MACROD2: variants seen among roughly 807,000 people sequenced by gnomAD.
MACROD2 encodes the protein ADP-ribose glycohydrolase MACROD2.
MACROD2 carries 36 observed loss-of-function variants against 70.4 expected under a neutral mutation model. The observed-to-expected ratio is 0.51, with a 90% CI of 0.39 to 0.68. The LOEUF (loss-of-function observed/expected upper bound fraction) is 0.68, where lower values mean the gene tolerates loss of function less well. Among genes scored for constraint, MACROD2 ranks in the 30% least tolerant of loss-of-function variants. MACROD2 has a pLI of 0.00. For missense variants in MACROD2, 496 were observed against 538.4 expected (o/e 0.92, Z 0.78); for synonymous variants, 172 against 178.8 (o/e 0.96, Z 0.30).
chr20:14,589,599 A>G (rs765322043), intron 4 of MACROD2, among the ~76,000 whole-genome samples: 3 of 152,142 alleles, frequency 2.0e-5, no homozygotes, highest in Non-Finnish European at 4.4e-5. Flanking sequence ...CTATGTTTTA[A>G]TAACATAATT....
chr20:14,916,251 C>G (rs761680518), intron 5 of MACROD2, among the ~76,000 whole-genome samples: 9 of 152,102 alleles, frequency 5.9e-5, no homozygotes, highest in Non-Finnish European at 1.2e-4. Flanking sequence ...CTGAACTGAG[C>G]CATTAGAACT....
chr20:15,158,471 CT>C (rs1473789120), intron 5 of MACROD2, among the ~76,000 whole-genome samples: 1 of 152,088 alleles, frequency 6.6e-6, no homozygotes, highest in Non-Finnish European at 1.5e-5. Flanking sequence ...AAACTCTGTT[CT>C]TTTCACACAC....
At chr20:15,710,767 T>C (rs2050614678) in intron 8 of MACROD2, among the ~76,000 whole-genome samples, 1 of 152,232 alleles carries the variant, frequency 6.6e-6, no homozygotes, top group East Asian at 1.9e-4. Context: ...CTGTCACTGC[T>C]GTTTTTGGCG....
chr20:15,933,374 C>G (rs2065609276), intron 11 of MACROD2, 36 bp downstream of exon 11: 1 of 1,585,274 alleles, frequency 6.3e-7, no homozygotes, highest in Non-Finnish European at 8.7e-7. Flanking sequence ...TCACCTAGGC[C>G]TCATCTGCAG....
chr20:14,661,191 C>A (rs1051757019), intron 4 of MACROD2, among the ~76,000 whole-genome samples: 1 of 152,114 alleles, frequency 6.6e-6, no homozygotes, highest in Non-Finnish European at 1.5e-5. Context: ...GTTCTGTTTT[C>A]TCTGCAATCT....
chr20:15,344,764 T>C (rs2078146532), intron 6 of MACROD2, among the ~76,000 whole-genome samples: 2 of 152,196 alleles, frequency 1.3e-5, no homozygotes, highest in Admixed American at 1.3e-4. Context: ...AATTAGTGAC[T>C]AGAAGATAAG....
intron 5 of MACROD2, among the ~76,000 whole-genome samples, chr20:15,134,566 CAG>C (rs1281206473): frequency 6.6e-6 from 1 of 152,050 alleles, no homozygotes; most frequent in East Asian, 1.9e-4. Context: ...ACATTCAAAG[CAG>C]TGTGTAGAGG....
At chr20:14,834,254 GT>G (rs201456532) in intron 5 of MACROD2, among the ~76,000 whole-genome samples, 66 of 145,248 alleles carry the variant, frequency 4.5e-4, no homozygotes, top group Non-Finnish European at 4.6e-4. Context: ...CGCTAGTATG[GT>G]TTTTTTTTTT....
At chr20:14,121,358 G>C (rs2054586754) in intron 3 of MACROD2, among the ~76,000 whole-genome samples, 1 of 152,154 alleles carries the variant, frequency 6.6e-6, no homozygotes, top group African/African-American at 2.4e-5. Context: ...AGAACCATGC[G>C]TAGGACCCTA....
chr20:14,248,182 C>A (rs1036810904), intron 3 of MACROD2, among the ~76,000 whole-genome samples: 2 of 152,164 alleles, frequency 1.3e-5, no homozygotes, highest in African/African-American at 2.4e-5. Flanking sequence ...CAGGAATAAG[C>A]TCATGCCAAG....
chr20:15,101,671 A>G (rs879433818), intron 5 of MACROD2, among the ~76,000 whole-genome samples: 8 of 151,906 alleles, frequency 5.3e-5, no homozygotes, highest in Admixed American at 5.3e-4. Context: ...ATTTTTAAGC[A>G]TGAGGCTATT....
intron 3 of MACROD2, among the ~76,000 whole-genome samples, chr20:14,213,319 T>C (rs2081585429): frequency 8.3e-6 from 1 of 121,086 alleles, no homozygotes; most frequent in Non-Finnish European, 1.6e-5. Flanking sequence ...ACTATAGAAT[T>C]GCTAGAGATG....
chr20:14,105,697 C>T (rs1396301066), intron 3 of MACROD2, among the ~76,000 whole-genome samples: 1 of 152,192 alleles, frequency 6.6e-6, no homozygotes, highest in Non-Finnish European at 1.5e-5. Flanking sequence ...CACCATCCCT[C>T]TTCCAACCCC....
chr20:14,699,118 G>A (rs1031624347), intron 5 of MACROD2, among the ~76,000 whole-genome samples: 2 of 152,124 alleles, frequency 1.3e-5, no homozygotes, highest in Non-Finnish European at 2.9e-5. Flanking sequence ...AGGGACCTGA[G>A]AGCCATGTTC....
chr20:14,934,471 C>G (rs73092188), intron 5 of MACROD2, among the ~76,000 whole-genome samples: 25,457 of 152,068 alleles, frequency 0.17, 2,440 homozygotes, highest in Non-Finnish European at 0.21. Flanking sequence ...AACAACACAT[C>G]TAAATGAGAA....
At chr20:14,828,656 A>G (rs1312938726) in intron 5 of MACROD2, among the ~76,000 whole-genome samples, 1 of 152,032 alleles carries the variant, frequency 6.6e-6, no homozygotes, top group African/African-American at 2.4e-5. Context: ...ATGTTACGTC[A>G]TTGAACCTGA....
intron 5 of MACROD2, chr20:14,757,602 T>G (rs1372953216): frequency 8.8e-7 from 1 of 1,142,210 alleles, no homozygotes; most frequent in African/African-American, 1.5e-5. Flanking sequence ...CATTTATGAC[T>G]CCTTTTTAAG....
chr20:14,302,301 T>C (rs984661217), intron 3 of MACROD2, among the ~76,000 whole-genome samples: 12 of 152,206 alleles, frequency 7.9e-5, no homozygotes, highest in Non-Finnish European at 1.6e-4. Flanking sequence ...AGAGCCGCCT[T>C]TAGCGTCATG....
chr20:14,548,780 C>A (rs1978448394), intron 4 of MACROD2, among the ~76,000 whole-genome samples: 2 of 150,064 alleles, frequency 1.3e-5, no homozygotes, highest in African/African-American at 4.9e-5. Context: ...AGAATGCTGG[C>A]AATTCACTGG....
Sources: allele counts gnomAD v4.1 joint callset (sites outside exome capture counted in the v4.1 genomes callset), GRCh38; gene constraint gnomAD v4.1.1; transcripts MANE v1.5; gene names NCBI Gene and HGNC (gene_info 2026-07-23, HGNC 2026-07-21).